ANGPT1: variants seen among roughly 807,000 people sequenced by gnomAD.
ANGPT1 encodes the protein angiopoietin 1.
A neutral mutation model predicts 62.2 loss-of-function variants in ANGPT1; 17 were observed. The observed-to-expected ratio is 0.27, with a 90% CI of 0.19 to 0.41. ANGPT1 has a LOEUF of 0.41. ANGPT1 is among the 10% of genes least tolerant of loss of function. The pLI, the probability that ANGPT1 is intolerant of heterozygous loss-of-function variation, is 1.00. For synonymous variants in ANGPT1, 199 were observed against 198.9 expected, an observed-to-expected ratio of 1.00 and a Z score of 0.00; for missense variants, 478 against 594.9, an observed-to-expected ratio of 0.80 and a Z score of 2.04.
At chr8:107,303,768 G>C (rs1233250432) in intron 4 of ANGPT1, among the ~76,000 whole-genome samples, 2 of 151,698 alleles carry the variant, frequency 1.3e-5, no homozygotes, top group Non-Finnish European at 2.9e-5. Context: ...TCTAAAAAAA[G>C]TGCTAACACA....
At chr8:107,496,889 T>G (rs191111767) in intron 1 of ANGPT1, among the ~76,000 whole-genome samples, 1 of 152,368 alleles carries the variant, frequency 6.6e-6, no homozygotes, top group African/African-American at 2.4e-5. Context: ...TTTGATCTTA[T>G]TAATTAATAT....
intron 2 of ANGPT1, among the ~76,000 whole-genome samples, chr8:107,341,992 C>T (rs1027590600): frequency 3.3e-5 from 5 of 152,102 alleles, no homozygotes; most frequent in Non-Finnish European, 7.4e-5. Context: ...CTCTCCCTGC[C>T]CCTGCCCCCT....
Position 107,340,185 on chromosome 8 carries a change from C to T in ANGPT1, c.454-3914G>A, listed in dbSNP as rs1056080728. ...ATGACAAAAGACATTTCCTTCTTAG[C>T]CTAAACACATTCCAAAAGCACATCT... On this transcript the variant is annotated intron_variant, in intron 2 of 8. Coordinates refer to ENST00000517746, the MANE Select transcript of ANGPT1 (RefSeq NM_001146.5). Among the ~76,000 whole-genome samples, 21 of 152,064 alleles carry T rather than the reference C, an allele frequency of 1.4e-4. No homozygotes were observed. The East Asian group carries it at 3.9e-3, about 28-fold the overall frequency.
At chr8:107,268,956 T>C (rs1193932212) in intron 7 of ANGPT1, among the ~76,000 whole-genome samples, 2 of 152,110 alleles carry the variant, frequency 1.3e-5, no homozygotes, top group African/African-American at 4.8e-5. Context: ...CATGTTTATA[T>C]CCTTAGCATG....
chr8:107,495,581 G>A (rs1433314501), intron 1 of ANGPT1, among the ~76,000 whole-genome samples: 1 of 152,082 alleles, frequency 6.6e-6, no homozygotes, highest in Non-Finnish European at 1.5e-5. Context: ...GTTTTTGGTA[G>A]AATAGATCAT....
chr8:107,423,097 A>G (rs140401939), intron 1 of ANGPT1, among the ~76,000 whole-genome samples: 114 of 152,318 alleles, frequency 7.5e-4, no homozygotes, highest in African/African-American at 2.7e-3. Context: ...GTATGTGCAC[A>G]TCTCTTCACA....
At chr8:107,393,178 G>T (rs991339056) in intron 1 of ANGPT1, among the ~76,000 whole-genome samples, 1 of 152,026 alleles carries the variant, frequency 6.6e-6, no homozygotes, top group East Asian at 1.9e-4. Flanking sequence ...AACTTTTTAA[G>T]CTGTAACTAT....
intron 1 of ANGPT1, among the ~76,000 whole-genome samples, chr8:107,419,746 C>T (rs932879611): frequency 3.3e-5 from 5 of 152,132 alleles, no homozygotes; most frequent in African/African-American, 1.2e-4. Context: ...ATCGACCCAA[C>T]AGGACAAACT....
chr8:107,297,633 C>T (rs974782109), intron 5 of ANGPT1, among the ~76,000 whole-genome samples: 2 of 148,712 alleles, frequency 1.3e-5, no homozygotes, highest in Non-Finnish European at 3.0e-5. Context: ...ATATACAAAA[C>T]CAAAACATGT....
chr8:107,490,586 T>TC (rs1024947378), intron 1 of ANGPT1, among the ~76,000 whole-genome samples: 1 of 152,200 alleles, frequency 6.6e-6, no homozygotes, highest in Non-Finnish European at 1.5e-5. Flanking sequence ...GCGATCTTTT[T>TC]CCCACACAAC....
intron 5 of ANGPT1, among the ~76,000 whole-genome samples, chr8:107,299,662 GAC>G (rs1179216046): frequency 3.0e-5 from 4 of 133,140 alleles, no homozygotes; most frequent in African/African-American, 8.2e-5. Flanking sequence ...TCTATATATA[GAC>G]ATATAGTTAT....
At chr8:107,395,231 A>G (rs6981543) in intron 1 of ANGPT1, among the ~76,000 whole-genome samples, 46,549 of 151,986 alleles carry the variant, frequency 0.31, 8,259 homozygotes, top group East Asian at 0.58. Context: ...GGGGGATAGG[A>G]CTGGACTCCA....
chr8:107,333,989 G>GGAGA, intron 3 of ANGPT1, among the ~76,000 whole-genome samples: 1 of 105,160 alleles, frequency 9.5e-6, no homozygotes, highest in Non-Finnish European at 2.2e-5. Flanking sequence ...AGGGAGGGAG[G>GGAGA]GAGGGAGGGA....
chr8:107,321,850 A>C (rs2130061635), intron 4 of ANGPT1, 46 bp downstream of exon 4: 1 of 1,551,402 alleles, frequency 6.4e-7, no homozygotes, highest in South Asian at 1.1e-5. Flanking sequence ...ACTTGATCAA[A>C]GGAAATAAAA....
intron 3 of ANGPT1, among the ~76,000 whole-genome samples, chr8:107,324,715 G>A (rs1434737620): frequency 1.3e-5 from 2 of 152,186 alleles, no homozygotes; most frequent in Non-Finnish European, 2.9e-5. Flanking sequence ...AGTCAAGCCT[G>A]AAAAATACCT....
At chr8:107,466,719 C>G (rs1812207748) in intron 1 of ANGPT1, among the ~76,000 whole-genome samples, 3 of 151,976 alleles carry the variant, frequency 2.0e-5, no homozygotes, top group African/African-American at 7.2e-5. Context: ...TGAGATTAGC[C>G]TGGCCAATAT....
At chr8:107,274,301 G>C (rs1813808399) in intron 7 of ANGPT1, among the ~76,000 whole-genome samples, 1 of 152,146 alleles carries the variant, frequency 6.6e-6, no homozygotes, top group Non-Finnish European at 1.5e-5. Flanking sequence ...AACACGGTAA[G>C]TGTATGGTGG....
chr8:107,420,176 G>C (rs1400208819), intron 1 of ANGPT1, among the ~76,000 whole-genome samples: 1 of 152,012 alleles, frequency 6.6e-6, no homozygotes, highest in African/African-American at 2.4e-5. Flanking sequence ...TATCTGACTT[G>C]CAACCTGAAA....
Position 107,346,976 on chromosome 8 carries a change from T to A in ANGPT1, c.419A>T (p.Glu140Val). ...IGTSLLSQTA[E>V]QTRKLTDVET... ...AACATCTGTCAGCTTTCTGGTCTGC[T>A]CTGCAGTCTGAGAGAGGAGGCTGGT... The change falls in exon 2 of 9, where the codon GAG (glutamate) becomes GTG (valine). Residue 140 changes from glutamate to valine, a missense_variant. Around this residue, in one of 4 missense-constraint regions of ANGPT1, gnomAD observed 343 missense variants for 355.4 expected, o/e 0.97. Transcript: ENST00000517746. The A allele has an allele frequency of 6.2e-7, 1 of 1,613,874 alleles. No individual in the cohort carries two copies. Among genetic ancestry groups the A allele is most frequent in the Non-Finnish European group, 8.5e-7 (1 of 1,179,844 alleles).
Sources: allele counts gnomAD v4.1 joint callset (sites outside exome capture counted in the v4.1 genomes callset), GRCh38; gene constraint gnomAD v4.1.1; regional missense constraint gnomAD v4.1.1; transcripts MANE v1.5; gene names NCBI Gene and HGNC (gene_info 2026-07-23, HGNC 2026-07-21).